The following OPHN1 variants were observed in gnomAD, a reference collection of about 807,000 sequenced individuals.
OPHN1 encodes oligophrenin 1.
OPHN1 carries 11 observed loss-of-function variants against 60.7 expected under a neutral mutation model. The observed-to-expected ratio is 0.18, with a 90% CI of 0.11 to 0.30. The LOEUF (loss-of-function observed/expected upper bound fraction) is 0.30, where lower values mean the gene tolerates loss of function less well. Ranked by LOEUF, OPHN1 falls within the 10% of genes least tolerant of loss-of-function variation. OPHN1 has a pLI of 1.00. For synonymous variants in OPHN1, 226 were observed against 222.6 expected (o/e 1.02, Z -0.14); for missense variants, 449 against 611.0 (o/e 0.73, Z 2.80).
At chrX:68,213,682 G>A (rs981549241) in intron 7 of OPHN1, among the ~76,000 whole-genome samples, 180 bp downstream of exon 7, 21 of 109,416 alleles carry the variant, frequency 1.9e-4, no homozygotes, top group Middle Eastern at 4.3e-3. Flanking sequence ...AAGGGTTGGG[G>A]GGAAAGAGAG....
intron 15 of OPHN1, among the ~76,000 whole-genome samples, chrX:68,186,711 G>A (rs1310869784): frequency 1.8e-5 from 2 of 111,676 alleles, no homozygotes; most frequent in African/African-American, 6.5e-5. Flanking sequence ...GAAGCTGAAA[G>A]TCTAAGATAA....
chrX:68,178,477 C>A (rs1040218248), intron 15 of OPHN1, among the ~76,000 whole-genome samples: 2 of 111,632 alleles, frequency 1.8e-5, no homozygotes, highest in Non-Finnish European at 3.8e-5. Flanking sequence ...GACCTTGGAT[C>A]ACTGCAAGCT....
At chrX:68,315,185 C>A (rs778050231) in intron 2 of OPHN1, among the ~76,000 whole-genome samples, 109 of 107,629 alleles carry the variant, frequency 1.0e-3, no homozygotes, top group Non-Finnish European at 1.8e-3. Flanking sequence ...TGCACTCCAG[C>A]CTTGGTGATC....
At chrX:68,347,344 A>T (rs1237244218) in intron 2 of OPHN1, among the ~76,000 whole-genome samples, 3 of 108,594 alleles carry the variant, frequency 2.8e-5, no homozygotes, top group African/African-American at 1.0e-4. Flanking sequence ...TTAGACAGGG[A>T]TTTGCCCTGT....
At chrX:68,091,254 G>A (rs773821608) in intron 19 of OPHN1, among the ~76,000 whole-genome samples, 1 of 111,587 alleles carries the variant, frequency 9.0e-6, no homozygotes, top group East Asian at 2.8e-4. Flanking sequence ...GTCCCACACT[G>A]ATTCCATGTT....
chrX:68,407,809 T>A (rs1311071447), intron 2 of OPHN1, among the ~76,000 whole-genome samples: 1 of 112,590 alleles, frequency 8.9e-6, no homozygotes, highest in Non-Finnish European at 1.9e-5. Context: ...ATTAATACAA[T>A]AATGTTCTGT....
intron 5 of OPHN1, among the ~76,000 whole-genome samples, chrX:68,240,834 T>G (rs1172772313): frequency 8.9e-6 from 1 of 112,028 alleles, no homozygotes; most frequent in African/African-American, 3.2e-5. Flanking sequence ...ATACATTTGT[T>G]TTTAATCTTT....
At chrX:68,250,770 G>A (rs942690269) in intron 5 of OPHN1, among the ~76,000 whole-genome samples, 7 of 111,986 alleles carry the variant, frequency 6.3e-5, no homozygotes, top group Non-Finnish European at 9.4e-5. Context: ...CACTATATGA[G>A]CATGATATGA....
intron 6 of OPHN1, among the ~76,000 whole-genome samples, chrX:68,223,073 T>C (rs1371435696): frequency 8.9e-6 from 1 of 112,032 alleles, no homozygotes; most frequent in Non-Finnish European, 1.9e-5. Context: ...AAGGGAATGC[T>C]TATTCACTTT....
At chrX:68,167,359 G>A (rs2077363316) in intron 15 of OPHN1, among the ~76,000 whole-genome samples, 1 of 111,304 alleles carries the variant, frequency 9.0e-6, no homozygotes, top group African/African-American at 3.3e-5. Context: ...ATGCTGGCAA[G>A]GATGTGGAGA....
intron 15 of OPHN1, among the ~76,000 whole-genome samples, chrX:68,130,755 G>A (rs1194639234): frequency 9.0e-6 from 1 of 110,948 alleles, no homozygotes; most frequent in Non-Finnish European, 1.9e-5. Context: ...CTATTAAATT[G>A]TAAGTAGAAA....
At chrX:68,172,478 G>A (rs1242821276) in intron 15 of OPHN1, among the ~76,000 whole-genome samples, 1 of 111,447 alleles carries the variant, frequency 9.0e-6, no homozygotes, top group Non-Finnish European at 1.9e-5. Flanking sequence ...GGATATAACT[G>A]TAAATGTAGC....
chrX:68,383,177 A>T (rs1476068501), intron 2 of OPHN1, among the ~76,000 whole-genome samples: 1 of 111,085 alleles, frequency 9.0e-6, no homozygotes, highest in African/African-American at 3.3e-5. Flanking sequence ...AAAGAAAAAA[A>T]ATGCTATTGA....
Position 68,112,061 on chromosome X carries a change from G to GCACACACACACACACACA in OPHN1, c.1421-120_1421-103dup, listed in dbSNP as rs56107322. On this transcript the variant is annotated intron_variant, in intron 17 of 24. Coordinates refer to ENST00000355520, the MANE Select transcript of OPHN1 (RefSeq NM_002547.3). ...CACAAACACACACACATGCACACAT[G>GCACACACACACACACACA]CACACACACACACACACACACACAC... 14 of 389,630 alleles carry GCACACACACACACACACA rather than the reference G, an allele frequency of 3.6e-5. No homozygotes were observed. The African/African-American group carries it at 4.1e-4, about 11-fold the overall frequency. 32.1% of individuals were successfully genotyped at this position (389,630 alleles called of 1,213,427 possible). A position where few individuals can be genotyped will look rare whatever the true frequency, so the allele number is the denominator to read the frequency against.
In OPHN1 at chrX:68,201,758, A is replaced by C. The variant is rs747904581; in HGVS notation, c.934-48T>G. 2.8e-5 allele frequency: 29 copies of C among 1,050,021 alleles called. No individual in the cohort carries two copies. The South Asian group carries it at 5.1e-4, about 18-fold the overall frequency. The allele number at this position is 1,050,021 out of a possible 1,213,427, so 86.5% of individuals were successfully genotyped here. ...AGGCAATTTTTAAAAAAAGACACAGAAGCTGTTTCTGCTTCCTACAGTGTC... is the reference window on the plus strand; with the variant it reads ...AGGCAATTTTTAAAAAAAGACACAGCAGCTGTTTCTGCTTCCTACAGTGTC... On this transcript the variant is annotated intron_variant, in intron 10 of 24. Coordinates refer to ENST00000355520, the MANE Select transcript of OPHN1 (RefSeq NM_002547.3).
intron 19 of OPHN1, among the ~76,000 whole-genome samples, chrX:68,085,885 T>C (rs115166440): frequency 3.6e-5 from 4 of 111,537 alleles, no homozygotes; most frequent in African/African-American, 1.3e-4. Context: ...CCTTTTACAA[T>C]AGCAGAAATA....
At chrX:68,211,336 C>T (rs1280164640) in intron 8 of OPHN1, among the ~76,000 whole-genome samples, 2 of 112,146 alleles carry the variant, frequency 1.8e-5, no homozygotes, top group African/African-American at 6.5e-5. Flanking sequence ...TACCAGGTAG[C>T]CAAATGCTCT....
chrX:68,312,615 T>C (rs893283782), intron 2 of OPHN1, among the ~76,000 whole-genome samples: 47 of 109,126 alleles, frequency 4.3e-4, no homozygotes, highest in Non-Finnish European at 7.6e-4. Context: ...CTTAAGAAAC[T>C]TGAAAAAGAG....
At chrX:68,306,186 C>A (rs1347848538) in intron 2 of OPHN1, among the ~76,000 whole-genome samples, 1 of 111,767 alleles carries the variant, frequency 8.9e-6, no homozygotes, top group Non-Finnish European at 1.9e-5. Flanking sequence ...AATAATGCAT[C>A]CAAATATTGG....
Sources: gnomAD v4.1 joint callset for allele counts (sites outside exome capture counted in the v4.1 genomes callset) on GRCh38, gnomAD v4.1.1 for gene constraint, MANE v1.5 for transcripts, NCBI Gene and HGNC (gene_info 2026-07-23, HGNC 2026-07-21) for gene names.